MORC4: variants seen among roughly 807,000 people sequenced by gnomAD.
The protein encoded by MORC4 is MORC family CW-type zinc finger 4.
MORC4 carries 22 observed loss-of-function variants against 65.5 expected under a neutral mutation model. That is an observed-to-expected ratio of 0.34 (90% confidence interval 0.24 to 0.48). MORC4 has a LOEUF of 0.48. Ranked by LOEUF, MORC4 falls within the 20% of genes least tolerant of loss-of-function variation. The pLI, the probability that MORC4 is intolerant of heterozygous loss-of-function variation, is 0.99. For synonymous variants in MORC4, 267 were observed against 255.8 expected (o/e 1.04, Z -0.42); for missense variants, 624 against 703.0 (o/e 0.89, Z 1.27).
At chrX:106,999,581 G>GCCCCCCCCC in intron 2 of MORC4, 96 bp downstream of exon 2, 1 of 424,123 alleles carries the variant, frequency 2.4e-6, no homozygotes. Flanking sequence ...GCCCCGGCCC[G>GCCCCCCCCC]CCCCGCGCGG....
intron 2 of MORC4, among the ~76,000 whole-genome samples, chrX:106,993,982 G>A (rs1480572460): frequency 8.9e-6 from 1 of 112,141 alleles, no homozygotes; most frequent in Non-Finnish European, 1.9e-5. Flanking sequence ...ATACTTAGAG[G>A]GAGTGATTTT....
At chrX:106,954,674 TAA>T (rs1220119073) in intron 14 of MORC4, among the ~76,000 whole-genome samples, 1 of 112,308 alleles carries the variant, frequency 8.9e-6, no homozygotes, top group Non-Finnish European at 1.9e-5. Flanking sequence ...ACATGATACA[TAA>T]AAAGAGTATC....
At chrX:106,993,495 A>C in intron 2 of MORC4, 133 bp from the exon 3 acceptor site, 1 of 604,049 alleles carries the variant, frequency 1.7e-6, no homozygotes, top group African/African-American at 2.2e-5. Flanking sequence ...GGTATCAGGG[A>C]GCATTAACGG....
At chrX:106,973,868 A>C (rs893969677) in intron 9 of MORC4, among the ~76,000 whole-genome samples, 7 of 111,941 alleles carry the variant, frequency 6.3e-5, no homozygotes, top group African/African-American at 2.3e-4. Context: ...AAAGGAATGC[A>C]GCCCTGCCAA....
chrX:106,978,120 C>G lies in MORC4; in HGVS notation c.1016G>C (p.Arg339Pro). 8.3e-7 allele frequency: 1 copy of G among 1,208,476 alleles called. No homozygotes were observed. Among genetic ancestry groups the G allele is most frequent in the Non-Finnish European group, 1.1e-6 (1 of 893,196 alleles). Residue 339 changes from arginine to proline, a missense_variant, in exon 8 of 17, where the codon CGA (arginine) becomes CCA (proline). Arg to Pro is a moderately radical substitution (Grantham distance 103). Transcript: ENST00000355610. ...CACCTTCTCAAAAGATTTTATGAGT[C>G]GGTTGTTATGATACATCATTATTCC... ...QFGIMMYHNN[R>P]LIKSFEKVGC...
chrX:106,978,548 T>C (rs1166281900), intron 7 of MORC4, among the ~76,000 whole-genome samples: 2 of 110,519 alleles, frequency 1.8e-5, no homozygotes, highest in Admixed American at 1.9e-4. Context: ...GCATCTCTTT[T>C]AAAATTATGT....
chrX:106,952,904 GT>G (rs760324489), intron 14 of MORC4, among the ~76,000 whole-genome samples: 1 of 111,666 alleles, frequency 9.0e-6, no homozygotes, highest in Non-Finnish European at 1.9e-5. Context: ...CCATTAAAAG[GT>G]AGTCTCAGCC....
intron 14 of MORC4, among the ~76,000 whole-genome samples, chrX:106,943,960 T>C (rs188103627): frequency 0.013 from 1,419 of 112,775 alleles, 6 homozygotes; most frequent in Non-Finnish European, 0.021. Context: ...GAAGAACTAA[T>C]GAAACAACTG....
At chrX:106,972,178 G>T (rs1292987309) in intron 9 of MORC4, among the ~76,000 whole-genome samples, 1 of 111,594 alleles carries the variant, frequency 9.0e-6, no homozygotes, top group African/African-American at 3.3e-5. Flanking sequence ...GGACATGGAT[G>T]AAGCTGGAAA....
intron 11 of MORC4, among the ~76,000 whole-genome samples, chrX:106,957,532 A>G (rs1356491628): frequency 3.6e-5 from 4 of 111,761 alleles, no homozygotes; most frequent in Non-Finnish European, 1.9e-5. Flanking sequence ...GCACCTTTCT[A>G]TCAGTATTTA....
intron 14 of MORC4, among the ~76,000 whole-genome samples, chrX:106,949,512 A>C (rs1933925083): frequency 8.9e-6 from 1 of 112,300 alleles, no homozygotes; most frequent in South Asian, 3.7e-4. Flanking sequence ...AATTCTGGAC[A>C]CTGATCTCCC....
intron 3 of MORC4, 22 bp from the exon 4 acceptor site, chrX:106,986,222 C>A: frequency 9.0e-7 from 1 of 1,116,209 alleles, no homozygotes; most frequent in Non-Finnish European, 1.2e-6. Flanking sequence ...CAAGAAAAAA[C>A]AAATCAGAAA....
At chrX:106,972,879 G>A (rs779283495) in intron 9 of MORC4, among the ~76,000 whole-genome samples, 11 of 112,594 alleles carry the variant, frequency 9.8e-5, no homozygotes, top group East Asian at 2.8e-4. Flanking sequence ...GGGAGGTTGC[G>A]GTTGCCATTG....
intron 9 of MORC4, among the ~76,000 whole-genome samples, chrX:106,964,134 A>G (rs146515712): frequency 0.019 from 2,088 of 111,989 alleles, 52 homozygotes; most frequent in African/African-American, 0.064. Flanking sequence ...AGATGAGCAG[A>G]AAGTCAAGAA....
chrX:106,978,618 A>G (rs958218317), intron 7 of MORC4, among the ~76,000 whole-genome samples: 1 of 109,146 alleles, frequency 9.2e-6, no homozygotes, highest in Non-Finnish European at 1.9e-5. Context: ...ACACACACAC[A>G]CGCACACACA....
chrX:106,958,855 C>A (rs1027851787), intron 10 of MORC4, among the ~76,000 whole-genome samples: 2 of 111,429 alleles, frequency 1.8e-5, no homozygotes, highest in African/African-American at 6.5e-5. Flanking sequence ...TGGAAAAATT[C>A]TGTTTATTAC....
chrX:106,980,962 T>C lies in MORC4; in HGVS notation c.865A>G (p.Lys289Glu), dbSNP rs1934728523. The change falls in exon 7 of 17, where the codon AAG (lysine) becomes GAG (glutamate). Residue 289 changes from lysine (K) to glutamate (E), a missense_variant. Physicochemically the swap from Lys to Glu is moderately conservative, Grantham distance 56. Transcript: ENST00000355610. Reference sequence around the variant, plus strand: ...TTGGCAATCATCTGGGTAGTCACCTTCTTTTGACGCAGAAAAATTTTCATG... The same window carrying C: ...TTGGCAATCATCTGGGTAGTCACCTCCTTTTGACGCAGAAAAATTTTCATG... Reference protein sequence around the residue: ...PRMKIFLRQKKVTTQMIAKSL... With the variant: ...PRMKIFLRQKEVTTQMIAKSL... The C allele has an allele frequency of 8.3e-7, 1 of 1,209,170 alleles. No individual in the cohort carries two copies. The highest frequency in any genetic ancestry group is 1.1e-6 in the Non-Finnish European group (1 of 893,243).
intron 10 of MORC4, among the ~76,000 whole-genome samples, chrX:106,959,193 C>A (rs1164020413): frequency 8.9e-6 from 1 of 111,828 alleles, no homozygotes; most frequent in East Asian, 2.8e-4. Context: ...GAGTTCAACT[C>A]TTAAAATGCA....
chrX:106,984,293 AT>A (rs1352487618), intron 5 of MORC4, among the ~76,000 whole-genome samples: 3 of 108,262 alleles, frequency 2.8e-5, no homozygotes, highest in African/African-American at 1.0e-4. Context: ...AAAAAAAAAA[AT>A]GTCCATGAAT....
Sources: allele counts gnomAD v4.1 joint callset (sites outside exome capture counted in the v4.1 genomes callset), GRCh38; gene constraint gnomAD v4.1.1; transcripts MANE v1.5; gene names NCBI Gene and HGNC (gene_info 2026-07-23, HGNC 2026-07-21).